Variants in MBTD1 observed in about 807,000 individuals in gnomAD.
MBTD1 encodes MBT domain-containing protein 1.
In MBTD1, 24 loss-of-function variants were observed where a neutral mutation model predicts 87.8. That is an observed-to-expected ratio of 0.27 (90% CI 0.20 to 0.38). The LOEUF is 0.38. Among genes scored for constraint, MBTD1 ranks in the 10% least tolerant of loss-of-function variants. MBTD1 has a pLI of 1.00. For synonymous variants in MBTD1, 237 were observed against 248.6 expected, an observed-to-expected ratio of 0.95 and a Z score of 0.44; for missense variants, 436 against 760.2, an observed-to-expected ratio of 0.57 and a Z score of 5.02.
chr17:51,237,805 G>C (rs1190620167), intron 2 of MBTD1, among the ~76,000 whole-genome samples: 4 of 152,142 alleles, frequency 2.6e-5, no homozygotes, highest in African/African-American at 9.7e-5. Context: ...ATATCTGCGA[G>C]AAATGAAGGC....
intron 2 of MBTD1, among the ~76,000 whole-genome samples, chr17:51,229,937 C>T (rs965373780): frequency 3.3e-5 from 5 of 152,258 alleles, no homozygotes; most frequent in African/African-American, 2.4e-5. Context: ...GGATTACAGG[C>T]GTGAGCCACT....
chr17:51,240,903 T>C (rs996293972), intron 2 of MBTD1, among the ~76,000 whole-genome samples: 6 of 152,196 alleles, frequency 3.9e-5, no homozygotes, highest in African/African-American at 7.2e-5. Flanking sequence ...TAGGTTGCAC[T>C]GCCTAATTGA....
In MBTD1 at chr17:51,225,162, C is replaced by G; in HGVS notation, c.-1G>C. ...TGCAGCTATCATAACCGTCAAACAT[C>G]CCGAAAGAATCTCTTCTTTTCCTTT... On this transcript the variant is annotated 5_prime_UTR_variant, in exon 3 of 17. Coordinates refer to ENST00000586178, the MANE Select transcript of MBTD1 (RefSeq NM_017643.3). The G allele has an allele frequency of 6.5e-7, 1 of 1,541,560 alleles. No individual in the cohort carries two copies. The highest frequency in any genetic ancestry group is 2.5e-5 in the East Asian group (1 of 40,722).
chr17:51,196,949 T>C (rs1433709664), intron 12 of MBTD1, among the ~76,000 whole-genome samples: 1 of 149,998 alleles, frequency 6.7e-6, no homozygotes, highest in African/African-American at 2.4e-5. Flanking sequence ...AGTAGTAGAA[T>C]AAACTCTATT....
In MBTD1 at chr17:51,190,419, T is replaced by A. The variant is rs116055293; in HGVS notation, c.1768+1784A>T. ...ACCGCGTCCAGTCCAATTTAAAAAA[T>A]ATCTTTAAATAAAAATTGGCCAGAC... On this transcript the variant is annotated intron_variant, in intron 16 of 16. Transcript: ENST00000586178. 5.6e-3 allele frequency among the ~76,000 whole-genome samples: 857 copies of A among 152,000 alleles called. 11 individuals carry two copies. The highest frequency in any genetic ancestry group is 0.02 in the African/African-American group (809 of 41,462).
At chr17:51,228,327 T>C (rs2053348372) in intron 2 of MBTD1, among the ~76,000 whole-genome samples, 1 of 152,094 alleles carries the variant, frequency 6.6e-6, no homozygotes, top group African/African-American at 2.4e-5. Flanking sequence ...CAAACCCCCA[T>C]GACACACATT....
At chr17:51,210,026 G>C (rs1045445273) in intron 6 of MBTD1, among the ~76,000 whole-genome samples, 14 of 152,044 alleles carry the variant, frequency 9.2e-5, no homozygotes, top group Non-Finnish European at 1.5e-4. Context: ...TTTTGAGACA[G>C]AGTCTTACTC....
chr17:51,197,371 T>C (rs1279547631), intron 12 of MBTD1, among the ~76,000 whole-genome samples: 1 of 151,698 alleles, frequency 6.6e-6, no homozygotes, highest in Non-Finnish European at 1.5e-5. Flanking sequence ...CAAATATTCC[T>C]TCATAGTTTT....
intron 6 of MBTD1, among the ~76,000 whole-genome samples, chr17:51,215,538 G>A: frequency 6.6e-6 from 1 of 152,152 alleles, no homozygotes; most frequent in Admixed American, 6.5e-5. Flanking sequence ...AGATGAAAGA[G>A]TTACTGTAAC....
rs140263871 is a variant in MBTD1 at position 51,235,051 on chromosome 17, C to A, written c.-48-9842G>T. Among the ~76,000 whole-genome samples the A allele has an allele frequency of 7.4e-4, 113 of 152,212 alleles. 1 individual carries two copies. Among genetic ancestry groups the A allele is most frequent in the Middle Eastern group, 3.4e-3 (1 of 294 alleles). The stretch of plus-strand genomic sequence containing the variant: ...GGATGAAACAGTTTACAAACTCATT[C>A]TACTAGGCCAGTATCACTTTGATCC... On this transcript the variant is annotated intron_variant, in intron 2 of 16. Coordinates refer to ENST00000586178, the MANE Select transcript of MBTD1 (RefSeq NM_017643.3).
chr17:51,207,531 A>G (rs189863046), intron 6 of MBTD1, among the ~76,000 whole-genome samples: 2 of 152,334 alleles, frequency 1.3e-5, no homozygotes, highest in Non-Finnish European at 2.9e-5. Flanking sequence ...AGCACTGGAT[A>G]AAGTTATTAA....
chr17:51,257,263 G>A (rs1280078907), intron 2 of MBTD1, among the ~76,000 whole-genome samples: 4 of 152,176 alleles, frequency 2.6e-5, no homozygotes, highest in Non-Finnish European at 4.4e-5. Flanking sequence ...ATACATAAGT[G>A]TGAAAGGTTA....
Position 51,180,497 on chromosome 17 carries a change from G to A in MBTD1, c.*79C>T. Reference sequence around the variant, plus strand: ...TTTAGCAAAATGTCCCAGTAGAGTAGCCCCCTGTACAGCTGGATTGATTAT... The same window carrying A: ...TTTAGCAAAATGTCCCAGTAGAGTAACCCCCTGTACAGCTGGATTGATTAT... On this transcript the variant is annotated 3_prime_UTR_variant, in exon 17 of 17. Transcript: ENST00000586178. 1.8e-6 allele frequency: 1 copy of A among 554,266 alleles called. No individual in the cohort carries two copies. The highest frequency in any genetic ancestry group is 3.0e-6 in the Non-Finnish European group (1 of 337,450). 34.3% of individuals were successfully genotyped at this position (554,266 alleles called of 1,614,324 possible).
chr17:51,192,973 G>C lies in MBTD1; in HGVS notation c.1499C>G (p.Ala500Gly). Residue 500 changes from alanine to glycine, a missense_variant, in exon 15 of 17, where the codon GCA becomes GGA. Physicochemically the swap from Ala to Gly is moderately conservative, Grantham distance 60 (BLOSUM62 0). Coordinates refer to ENST00000586178, the MANE Select transcript of MBTD1 (RefSeq NM_017643.3). ...HGFRVGMKLE[A>G]VDLMEPRLIC... ...TAAACGTGGCTCCATGAGATCTACT[G>C]CTTCTAATTTCATTCCTACACGAAA... 1 of 1,614,024 alleles carries C rather than the reference G, an allele frequency of 6.2e-7. No individual in the cohort carries two copies. The highest frequency in any genetic ancestry group is 8.5e-7 in the Non-Finnish European group (1 of 1,179,946).
intron 2 of MBTD1, among the ~76,000 whole-genome samples, chr17:51,236,433 C>T (rs770213546): frequency 2.0e-5 from 3 of 152,098 alleles, no homozygotes; most frequent in Non-Finnish European, 4.4e-5. Flanking sequence ...TTAGTAGAGA[C>T]AGGGTTTCAC....
chr17:51,191,604 A>G (rs1312056522), intron 16 of MBTD1: 1 of 142,758 alleles, frequency 7.0e-6, no homozygotes. Flanking sequence ...TTTTTTTGAG[A>G]CAGAGTCTTG....
intron 2 of MBTD1, among the ~76,000 whole-genome samples, chr17:51,232,814 G>A (rs577492534): frequency 1.3e-3 from 197 of 152,078 alleles, no homozygotes; most frequent in Middle Eastern, 6.8e-3. Context: ...AAGGCAGGAG[G>A]ACCGCTTGAG....
intron 6 of MBTD1, among the ~76,000 whole-genome samples, chr17:51,213,536 A>G (rs764052018): frequency 4.6e-5 from 7 of 152,210 alleles, no homozygotes; most frequent in South Asian, 2.1e-4. Context: ...GGGCTTAATT[A>G]AAAAGCACAT....
intron 2 of MBTD1, among the ~76,000 whole-genome samples, chr17:51,255,316 C>T (rs1483625489): frequency 6.6e-6 from 1 of 151,958 alleles, no homozygotes; most frequent in Non-Finnish European, 1.5e-5. Context: ...AATTCAACAG[C>T]TTATTCAGTA....
Sources: gnomAD v4.1 joint callset for allele counts (sites outside exome capture counted in the v4.1 genomes callset) on GRCh38, gnomAD v4.1.1 for gene constraint, MANE v1.5 for transcripts, NCBI Gene and HGNC (gene_info 2026-07-23, HGNC 2026-07-21) for gene names.